Variants in PPHLN1 observed in about 807,000 individuals in gnomAD.
The protein encoded by PPHLN1 is periphilin 1, also known as periphilin-1.
PPHLN1 carries 29 observed loss-of-function variants against 51.3 expected under a neutral mutation model. The observed-to-expected ratio is 0.57, with a 90% CI of 0.42 to 0.77. The LOEUF (loss-of-function observed/expected upper bound fraction) is 0.77, where lower values mean the gene tolerates loss of function less well. PPHLN1 is among the 30% of genes least tolerant of loss of function. The pLI is 0.00. For missense variants in PPHLN1, 436 were observed against 438.4 expected, an observed-to-expected ratio of 0.99 and a Z score of 0.05; for synonymous variants, 147 against 147.8, an observed-to-expected ratio of 0.99 and a Z score of 0.04.
At chr12:42,445,258 A>G (rs995422273), downstream of PPHLN1, 2 of 599,764 alleles carry the variant, frequency 3.3e-6, no homozygotes. Context: ...ACCCAATCAC[A>G]TCAATTTTTC....
At chr12:42,417,069 T>C (rs2080455574) in intron 9 of PPHLN1, among the ~76,000 whole-genome samples, 1 of 152,182 alleles carries the variant, frequency 6.6e-6, no homozygotes, top group Non-Finnish European at 1.5e-5. Flanking sequence ...GGAGGGATAA[T>C]GAGAGCCTAA....
At chr12:42,352,181 C>T (rs537310379) in intron 3 of PPHLN1, 132 bp downstream of exon 3, 4 of 794,232 alleles carry the variant, frequency 5.0e-6, no homozygotes, top group Admixed American at 4.2e-5. Context: ...ATGTGAATTG[C>T]CTGCTGGAGC....
chr12:42,374,469 T>C (rs760462182), intron 4 of PPHLN1, among the ~76,000 whole-genome samples: 16 of 151,950 alleles, frequency 1.1e-4, no homozygotes, highest in Non-Finnish European at 2.1e-4. Context: ...TGAGACAGTC[T>C]CGCTCTGTTG....
At chr12:42,440,943 CTT>C (rs1420441259) in intron 9 of PPHLN1, among the ~76,000 whole-genome samples, 1 of 152,312 alleles carries the variant, frequency 6.6e-6, no homozygotes, top group East Asian at 1.9e-4. Context: ...GGCTCAGAAA[CTT>C]TTTTCTTCCA....
intron 1 of PPHLN1, among the ~76,000 whole-genome samples, chr12:42,330,271 G>A (rs1173640129): frequency 1.3e-5 from 2 of 152,122 alleles, no homozygotes; most frequent in Non-Finnish European, 2.9e-5. Context: ...GTTTCCAGGG[G>A]CATGCAGGAG....
chr12:42,391,853 G>A (rs1449808486), intron 7 of PPHLN1, among the ~76,000 whole-genome samples: 2 of 152,056 alleles, frequency 1.3e-5, no homozygotes, highest in East Asian at 3.9e-4. Context: ...TCCAGTAAAT[G>A]TAGATGGCTA....
At chr12:42,361,055 C>T (rs1016332887) in intron 4 of PPHLN1, among the ~76,000 whole-genome samples, 6 of 152,054 alleles carry the variant, frequency 3.9e-5, no homozygotes, top group Middle Eastern at 3.2e-3. Context: ...GTATTTATGT[C>T]CCCCCAAATT....
chr12:42,413,512 CTATATA>C (rs1264480821), intron 9 of PPHLN1, among the ~76,000 whole-genome samples: 7 of 144,660 alleles, frequency 4.8e-5, no homozygotes, highest in Non-Finnish European at 1.5e-5. Context: ...GTTTTGATAA[CTATATA>C]TATGTATATG....
At chr12:42,327,093 A>AT (rs1423556947) in intron 1 of PPHLN1, among the ~76,000 whole-genome samples, 1 of 152,290 alleles carries the variant, frequency 6.6e-6, no homozygotes, top group South Asian at 2.1e-4. Flanking sequence ...CATGCTTTAC[A>AT]TCTCTGTTAT....
In PPHLN1 at chr12:42,416,902, A is replaced by G. The variant is rs111568702; in HGVS notation, c.909+17908A>G. The stretch of plus-strand genomic sequence containing the variant: ...CAGTATCATTTTATGAGATAGGTGG[A>G]TCAGAGCCAGATGGTTGAAAAATTT... On this transcript the variant is annotated intron_variant, in intron 9 of 9. Transcript: ENST00000358314. 4.5e-3 allele frequency among the ~76,000 whole-genome samples: 689 copies of G among 152,318 alleles called. 1 individual carries two copies. Among genetic ancestry groups the G allele is most frequent in the African/African-American group, 0.016 (667 of 41,566 alleles).
chr12:42,410,827 A>G (rs2079745685), intron 9 of PPHLN1, among the ~76,000 whole-genome samples: 1 of 152,252 alleles, frequency 6.6e-6, no homozygotes, highest in South Asian at 2.1e-4. Flanking sequence ...ATATTTATTG[A>G]GATTTATGTA....
chr12:42,407,672 T>G (rs573702829), intron 9 of PPHLN1, among the ~76,000 whole-genome samples: 155 of 152,326 alleles, frequency 1.0e-3, no homozygotes, highest in African/African-American at 3.6e-3. Context: ...ATCCCTTATG[T>G]AAAATGGCCT....
chr12:42,372,767 C>T (rs1024451924), intron 4 of PPHLN1, among the ~76,000 whole-genome samples: 20 of 152,074 alleles, frequency 1.3e-4, no homozygotes, highest in African/African-American at 4.3e-4. Context: ...TCTTTAGTTG[C>T]TTACCTAGAT....
At chr12:42,341,360 A>G (rs2071470511) in intron 2 of PPHLN1, among the ~76,000 whole-genome samples, 1 of 152,078 alleles carries the variant, frequency 6.6e-6, no homozygotes, top group Non-Finnish European at 1.5e-5. Context: ...GAACTACTAG[A>G]TGTGATATAA....
At chr12:42,425,084 A>T (rs940568630) in intron 9 of PPHLN1, among the ~76,000 whole-genome samples, 5 of 150,794 alleles carry the variant, frequency 3.3e-5, no homozygotes, top group African/African-American at 1.2e-4. Flanking sequence ...GTATGTATGT[A>T]CTTGTTTATT....
chr12:42,327,293 C>T (rs2068946767), intron 1 of PPHLN1, among the ~76,000 whole-genome samples: 1 of 152,188 alleles, frequency 6.6e-6, no homozygotes. Flanking sequence ...ACATATTCAA[C>T]TTCTTTAGTG....
intron 9 of PPHLN1, among the ~76,000 whole-genome samples, chr12:42,403,300 A>G (rs978093024): frequency 2.0e-5 from 3 of 152,184 alleles, no homozygotes; most frequent in Non-Finnish European, 4.4e-5. Flanking sequence ...CAGATTTTAC[A>G]TACATACAGT....
chr12:42,407,909 T>G (rs967197156), intron 9 of PPHLN1, among the ~76,000 whole-genome samples: 11 of 152,156 alleles, frequency 7.2e-5, no homozygotes, highest in Admixed American at 3.9e-4. Context: ...ATATTTTTGA[T>G]CTGTGGTTTG....
intron 9 of PPHLN1, chr12:42,399,729 C>T (rs1409263682): frequency 6.6e-6 from 1 of 152,244 alleles, no homozygotes; most frequent in Non-Finnish European, 1.5e-5. Flanking sequence ...GGAATGGTCT[C>T]AAATCCTAGA....
Sources: allele counts gnomAD v4.1 joint callset (sites outside exome capture counted in the v4.1 genomes callset), GRCh38; gene constraint gnomAD v4.1.1; transcripts MANE v1.5; gene names NCBI Gene and HGNC (gene_info 2026-07-23, HGNC 2026-07-21).